Variants in NPAS3 observed in about 807,000 individuals in gnomAD.
NPAS3 encodes the protein neuronal PAS domain protein 3.
A neutral mutation model predicts 73.1 loss-of-function variants in NPAS3; 14 were observed. That is an observed-to-expected ratio of 0.19 (90% CI 0.13 to 0.30). The LOEUF (loss-of-function observed/expected upper bound fraction) is 0.30. Ranked by LOEUF, NPAS3 falls within the 10% of genes least tolerant of loss-of-function variation. NPAS3 has a pLI of 1.00. For synonymous variants in NPAS3, 620 were observed against 541.5 expected, an observed-to-expected ratio of 1.14 and a Z score of -2.01; for missense variants, 1,096 against 1,250.0, an observed-to-expected ratio of 0.88 and a Z score of 1.86.
chr14:33,080,587 G>A (rs10142655), intron 2 of NPAS3, among the ~76,000 whole-genome samples: 9,102 of 152,256 alleles, frequency 0.06, 374 homozygotes, highest in Admixed American at 0.09. Flanking sequence ...GTCTCTAGAA[G>A]AAAATGAAAC....
chr14:32,999,262 A>G (rs541764663), intron 1 of NPAS3, among the ~76,000 whole-genome samples: 1 of 152,208 alleles, frequency 6.6e-6, no homozygotes, highest in Non-Finnish European at 1.5e-5. Flanking sequence ...CTGTAATCCC[A>G]GCCCTTTGGG....
intron 2 of NPAS3, among the ~76,000 whole-genome samples, chr14:33,176,244 A>G (rs998274153): frequency 6.6e-6 from 1 of 152,196 alleles, no homozygotes; most frequent in African/African-American, 2.4e-5. Context: ...AAAATTAGCC[A>G]TTTAACCTTT....
intron 3 of NPAS3, among the ~76,000 whole-genome samples, chr14:33,217,460 G>T (rs1367884556): frequency 6.6e-6 from 1 of 152,196 alleles, no homozygotes; most frequent in Middle Eastern, 3.4e-3. Context: ...AAGGATGAGG[G>T]TAACAGGTTA....
chr14:33,498,903 T>G (rs61974985), intron 4 of NPAS3, among the ~76,000 whole-genome samples: 55,405 of 149,358 alleles, frequency 0.37, 10,820 homozygotes, highest in East Asian at 0.52. Flanking sequence ...GATGGGCAGT[T>G]TTAAATGAAT....
intron 2 of NPAS3, among the ~76,000 whole-genome samples, chr14:33,114,992 C>A (rs988730844): frequency 1.3e-5 from 2 of 152,104 alleles, no homozygotes; most frequent in Non-Finnish European, 2.9e-5. Context: ...ATGACCACAA[C>A]AAACCAAGTA....
intron 4 of NPAS3, among the ~76,000 whole-genome samples, chr14:33,431,635 T>A (rs560551802): frequency 6.6e-6 from 1 of 152,332 alleles, no homozygotes; most frequent in Non-Finnish European, 1.5e-5. Context: ...AATGTCAATA[T>A]CTTCTTTAGG....
rs564880700 is a variant in NPAS3, at chr14:33,107,496, G to T, written c.140+51502G>T. ...ATGTTTAGCTCCCACAGATAATTGAGAATATGCAGTATTTGGTTTTCTGTG... is the reference window on the plus strand; with the variant it reads ...ATGTTTAGCTCCCACAGATAATTGATAATATGCAGTATTTGGTTTTCTGTG... On this transcript the variant is annotated intron_variant, in intron 2 of 11. Transcript: ENST00000356141. 4.1e-4 allele frequency among the ~76,000 whole-genome samples: 62 copies of T among 152,182 alleles called. 3 individuals carry two copies. The South Asian group carries it at 0.013, about 32-fold the overall frequency.
intron 4 of NPAS3, among the ~76,000 whole-genome samples, chr14:33,485,671 TCA>T (rs1448469877): frequency 1.3e-5 from 2 of 152,330 alleles, no homozygotes; most frequent in East Asian, 1.9e-4. Flanking sequence ...TTAAAAATGC[TCA>T]GTTTTCTACG....
At chr14:32,997,336 A>C (rs1157266354) in intron 1 of NPAS3, among the ~76,000 whole-genome samples, 1 of 152,116 alleles carries the variant, frequency 6.6e-6, no homozygotes, top group South Asian at 2.1e-4. Flanking sequence ...TTAATGCTGA[A>C]ATGAGTTGAG....
At chr14:33,275,795 T>C (rs1172112953) in intron 3 of NPAS3, among the ~76,000 whole-genome samples, 1 of 152,222 alleles carries the variant, frequency 6.6e-6, no homozygotes, top group African/African-American at 2.4e-5. Flanking sequence ...ATCTGACTAT[T>C]TGATCTGTTT....
chr14:33,521,559 A>T (rs1654409364), intron 4 of NPAS3, among the ~76,000 whole-genome samples: 1 of 151,826 alleles, frequency 6.6e-6, no homozygotes, highest in African/African-American at 2.4e-5. Flanking sequence ...GTAAGAATTA[A>T]AAATGTGACT....
chr14:33,754,591 G>A (rs1355629351), intron 7 of NPAS3, among the ~76,000 whole-genome samples: 2 of 152,070 alleles, frequency 1.3e-5, no homozygotes, highest in Admixed American at 6.6e-5. Context: ...ATGACAGTCC[G>A]GGAATCTGCA....
At chr14:33,046,112 G>A (rs189230702) in intron 1 of NPAS3, among the ~76,000 whole-genome samples, 1 of 152,206 alleles carries the variant, frequency 6.6e-6, no homozygotes, top group Non-Finnish European at 1.5e-5. Flanking sequence ...TGCAGGTCAA[G>A]TAAAAGTCAC....
chr14:33,169,168 T>C (rs2045290262), intron 2 of NPAS3, among the ~76,000 whole-genome samples: 1 of 152,230 alleles, frequency 6.6e-6, no homozygotes, highest in East Asian at 1.9e-4. Context: ...TAAATACTCT[T>C]TTATTTGAGG....
chr14:33,767,431 T>C (rs1253985200), intron 7 of NPAS3, among the ~76,000 whole-genome samples: 1 of 152,064 alleles, frequency 6.6e-6, no homozygotes, highest in Non-Finnish European at 1.5e-5. Context: ...CTCTCCCACC[T>C]GAGCTAGTGA....
At chr14:33,737,177 A>T (rs1348080339) in intron 7 of NPAS3, among the ~76,000 whole-genome samples, 1 of 152,206 alleles carries the variant, frequency 6.6e-6, no homozygotes, top group African/African-American at 2.4e-5. Flanking sequence ...TAGCAAAGAA[A>T]GTGTGAGGGG....
At chr14:33,690,871 T>TA (rs11361786) in intron 6 of NPAS3, among the ~76,000 whole-genome samples, 9,951 of 142,122 alleles carry the variant, frequency 0.07, 693 homozygotes, top group African/African-American at 0.17. Flanking sequence ...TAAAATTTGT[T>TA]AAAAAAAAAA....
chr14:33,186,958 C>T (rs2045999187), intron 2 of NPAS3, among the ~76,000 whole-genome samples: 1 of 152,162 alleles, frequency 6.6e-6, no homozygotes, highest in Non-Finnish European at 1.5e-5. Flanking sequence ...CACAGAAATG[C>T]TCCCACAACA....
chr14:33,787,581 G>T (rs1300985445), intron 9 of NPAS3, among the ~76,000 whole-genome samples: 1 of 129,874 alleles, frequency 7.7e-6, no homozygotes, highest in Admixed American at 8.4e-5. Context: ...ACCAAATATT[G>T]CTCAGCATAT....
Sources: gnomAD v4.1 joint callset for allele counts (sites outside exome capture counted in the v4.1 genomes callset) on GRCh38, gnomAD v4.1.1 for gene constraint, MANE v1.5 for transcripts, NCBI Gene and HGNC (gene_info 2026-07-23, HGNC 2026-07-21) for gene names.